Variants in ZNF503 observed in about 807,000 individuals in gnomAD.
ZNF503 encodes the protein NocA-like zinc finger 2.
A neutral mutation model predicts 34.4 loss-of-function variants in ZNF503; 15 were observed. The ratio of observed to expected loss-of-function variants is 0.44; its 90% CI spans 0.29 to 0.67. The LOEUF (loss-of-function observed/expected upper bound fraction) is 0.67, where lower values mean the gene tolerates loss of function less well. Among genes scored for constraint, ZNF503 ranks in the 30% least tolerant of loss-of-function variants. The pLI, the probability that ZNF503 is intolerant of heterozygous loss-of-function variation, is 0.13. For missense variants in ZNF503, 1,007 were observed against 926.8 expected (o/e 1.09, Z -1.12); for synonymous variants, 580 against 456.8 (o/e 1.27, Z -3.44).
the ZNF503 span, among the ~76,000 whole-genome samples, chr10:75,387,678 A>G: frequency 7.8e-4 from 118 of 152,196 alleles, 1 homozygote; most frequent in African/African-American, 2.7e-3. Flanking sequence ...CCTTGTCACA[A>G]ATGAGTTGAG....
chr10:75,337,069 A>G, the ZNF503 span, among the ~76,000 whole-genome samples: 1 of 152,180 alleles, frequency 6.6e-6, no homozygotes, highest in Non-Finnish European at 1.5e-5. Context: ...CACACCTGTA[A>G]TCCCAGCACT....
the ZNF503 span, among the ~76,000 whole-genome samples, chr10:75,281,590 C>G: frequency 6.6e-6 from 1 of 152,126 alleles, no homozygotes; most frequent in Non-Finnish European, 1.5e-5. Flanking sequence ...AGGGAACAAC[C>G]CCCTTCCCAA....
chr10:75,356,968 C>T, the ZNF503 span, among the ~76,000 whole-genome samples: 1 of 152,070 alleles, frequency 6.6e-6, no homozygotes, highest in Non-Finnish European at 1.5e-5. Flanking sequence ...ATATATAGCT[C>T]TTGTTTTTGT....
chr10:75,352,472 C>T, the ZNF503 span, among the ~76,000 whole-genome samples: 4 of 152,304 alleles, frequency 2.6e-5, no homozygotes, highest in East Asian at 3.9e-4. Context: ...CAGGAAGTTT[C>T]CAGGCTGATG....
chr10:75,329,385 C>T, the ZNF503 span, among the ~76,000 whole-genome samples: 19 of 107,836 alleles, frequency 1.8e-4, no homozygotes, highest in South Asian at 1.7e-3. Flanking sequence ...TTTCTTTCTT[C>T]CTTCCTTCCT....
At chr10:75,394,907 T>C (rs953782284), downstream of ZNF503, among the ~76,000 whole-genome samples, 2 of 152,172 alleles carry the variant, frequency 1.3e-5, no homozygotes, top group African/African-American at 4.8e-5. Context: ...TATGCGGAGT[T>C]ACCCAGCACA....
chr10:75,302,366 T>G, the ZNF503 span, among the ~76,000 whole-genome samples: 1 of 127,672 alleles, frequency 7.8e-6, no homozygotes, highest in Non-Finnish European at 1.8e-5. Flanking sequence ...TATATCCTAC[T>G]TGGGGTTTAT....
chr10:75,326,986 GTGTGGTA>G, the ZNF503 span, among the ~76,000 whole-genome samples: 3 of 152,096 alleles, frequency 2.0e-5, no homozygotes, highest in East Asian at 5.8e-4. Flanking sequence ...ACTCAGCCCA[GTGTGGTA>G]TTTTTGATAC....
the ZNF503 span, among the ~76,000 whole-genome samples, chr10:75,311,698 G>T: frequency 4.0e-5 from 6 of 149,318 alleles, no homozygotes; most frequent in African/African-American, 1.5e-4. Flanking sequence ...AGCCGGAAGT[G>T]GTGGTGCACA....
the ZNF503 span, among the ~76,000 whole-genome samples, chr10:75,359,533 G>GCT: frequency 1.3e-5 from 2 of 152,220 alleles, no homozygotes; most frequent in African/African-American, 4.8e-5. Flanking sequence ...TGAGTTGACT[G>GCT]CTCTTGAGTT....
At chr10:75,390,972 G>T in the ZNF503 span, among the ~76,000 whole-genome samples, 1 of 152,150 alleles carries the variant, frequency 6.6e-6, no homozygotes, top group African/African-American at 2.4e-5. Context: ...GCATTGGTTG[G>T]GGGTGGGAGG....
At chr10:75,390,051 G>A in the ZNF503 span, among the ~76,000 whole-genome samples, 8 of 151,952 alleles carry the variant, frequency 5.3e-5, no homozygotes, top group Admixed American at 1.3e-4. Context: ...CCCCCACCAC[G>A]CCCGGCTAAT....
chr10:75,398,815 C>T lies in ZNF503; in HGVS notation c.1875G>A (p.Pro625=), dbSNP rs767054410. The change falls in exon 2 of 2, where the codon CCG becomes CCA. Residue 625 remains proline (P), a synonymous_variant. Coordinates refer to ENST00000372524, the MANE Select transcript of ZNF503 (RefSeq NM_032772.6). ...CGTAGAGGGCGTAGGGGGAGTAGTA[C>T]GGTCCGGTGGCGGCGGGCACCGGCA... ...APVPVPAATG[P]YYSPYALYGQ... is the part of the protein sequence containing the mutation. 3.5e-5 allele frequency: 52 copies of T among 1,495,782 alleles called. No homozygotes were observed. Among genetic ancestry groups the T allele is most frequent in the African/African-American group, 5.6e-5 (4 of 70,808 alleles). The allele number at this position is 1,495,782 out of a possible 1,614,324, so 92.7% of individuals were successfully genotyped here. A position where few individuals can be genotyped will look rare whatever the true frequency, so the allele number is the denominator to read the frequency against.
At chr10:75,313,489 C>A in the ZNF503 span, among the ~76,000 whole-genome samples, 3 of 152,178 alleles carry the variant, frequency 2.0e-5, no homozygotes, top group Non-Finnish European at 4.4e-5. Context: ...GGATGCTGCT[C>A]ACTTCTTTTT....
At chr10:75,298,643 A>C in the ZNF503 span, among the ~76,000 whole-genome samples, 2 of 152,232 alleles carry the variant, frequency 1.3e-5, no homozygotes, top group East Asian at 1.9e-4. Flanking sequence ...CTTATGATGA[A>C]TAATGCTGTT....
the ZNF503 span, among the ~76,000 whole-genome samples, chr10:75,310,799 C>A: frequency 6.6e-6 from 1 of 152,060 alleles, no homozygotes; most frequent in South Asian, 2.1e-4. Flanking sequence ...ACTACCTGCA[C>A]CTAGCAATAA....
the ZNF503 span, among the ~76,000 whole-genome samples, chr10:75,316,962 G>T: frequency 6.6e-6 from 1 of 152,068 alleles, no homozygotes; most frequent in African/African-American, 2.4e-5. Flanking sequence ...ATTTTTTTGA[G>T]ACAGGGTCTT....
chr10:75,385,522 G>C, the ZNF503 span, among the ~76,000 whole-genome samples: 90 of 152,334 alleles, frequency 5.9e-4, no homozygotes, highest in African/African-American at 2.1e-3. Flanking sequence ...TGACACTGCT[G>C]TTGGCTGGGG....
the ZNF503 span, among the ~76,000 whole-genome samples, chr10:75,336,877 C>G: frequency 6.6e-6 from 1 of 152,206 alleles, no homozygotes; most frequent in Admixed American, 6.5e-5. Context: ...ATCTCAGCAA[C>G]AGAGAATTCC....
Sources: allele counts gnomAD v4.1 joint callset (sites outside exome capture counted in the v4.1 genomes callset), GRCh38; gene constraint gnomAD v4.1.1; transcripts MANE v1.5; gene names NCBI Gene and HGNC (gene_info 2026-07-23, HGNC 2026-07-21).